SLC8A3: variants seen among roughly 807,000 people sequenced by gnomAD.
SLC8A3 encodes sodium/calcium exchanger 3.
A neutral mutation model predicts 65.4 loss-of-function variants in SLC8A3; 37 were observed. The ratio of observed to expected loss-of-function variants is 0.57; its 90% CI spans 0.44 to 0.74. The LOEUF (loss-of-function observed/expected upper bound fraction) is 0.74. SLC8A3 is among the 30% of genes least tolerant of loss of function. The probability of loss-of-function intolerance (pLI) is 0.00; values close to 1 mark genes in which losing one functional copy is unlikely to be tolerated. For synonymous variants in SLC8A3, 461 were observed against 444.5 expected, an observed-to-expected ratio of 1.04 and a Z score of -0.47; for missense variants, 1,112 against 1,172.1, an observed-to-expected ratio of 0.95 and a Z score of 0.75.
At chr14:70,172,581 C>A (rs1298651010) in intron 1 of SLC8A3, among the ~76,000 whole-genome samples, 2 of 152,044 alleles carry the variant, frequency 1.3e-5, no homozygotes, top group African/African-American at 4.8e-5. Context: ...CCTGCTGCAG[C>A]CTCCCATCCA....
chr14:70,159,678 G>C (rs559008090), intron 2 of SLC8A3, among the ~76,000 whole-genome samples: 2 of 152,310 alleles, frequency 1.3e-5, no homozygotes, highest in East Asian at 3.9e-4. Flanking sequence ...GAGGAAACTG[G>C]CCTTAAGACC....
At chr14:70,087,368 T>C (rs1164414169) in intron 2 of SLC8A3, among the ~76,000 whole-genome samples, 2 of 152,224 alleles carry the variant, frequency 1.3e-5, no homozygotes, top group African/African-American at 4.8e-5. Context: ...TCAAACTTCC[T>C]GGAACATTGG....
chr14:70,098,980 G>A (rs770712884), intron 2 of SLC8A3, among the ~76,000 whole-genome samples: 1 of 152,146 alleles, frequency 6.6e-6, no homozygotes, highest in Non-Finnish European at 1.5e-5. Flanking sequence ...GAGGTGTGAG[G>A]TTCCTGAAAG....
Position 70,046,626 on chromosome 14 carries a change from A to G in SLC8A3, c.2390-303T>C. On this transcript the variant is annotated intron_variant, in intron 6 of 6. Coordinates refer to ENST00000356921, the MANE Select transcript of SLC8A3 (RefSeq NM_182932.3). The surrounding 1 kb of genome is among the most constrained non-coding windows in gnomAD (Gnocchi z 4.2). ...GTTCTCCTTTGACTACTTTTTCAGT[A>G]AGGGAAGTTTGCCATCCCATAATAT... is the stretch of plus-strand genomic sequence containing the variant. The G allele has an allele frequency of 3.3e-6, 1 of 303,412 alleles. No homozygotes were observed. Among genetic ancestry groups the G allele is most frequent in the South Asian group, 1.1e-4 (1 of 8,908 alleles). 18.8% of individuals were successfully genotyped at this position (303,412 alleles called of 1,614,324 possible).
In SLC8A3 at chr14:70,073,055, A is replaced by ACCCTTCCCTT. The variant is rs58927473; in HGVS notation, c.1785-12126_1785-12117dup. Among the ~76,000 whole-genome samples, 359 of 151,356 alleles carry ACCCTTCCCTT rather than the reference A, an allele frequency of 2.4e-3. 1 individual carries two copies. The highest frequency in any genetic ancestry group is 0.01 in the Middle Eastern group (3 of 292). ...GCTCACCCTGAGAATTCTTCCTCTT[A>ACCCTTCCCTT]CCCTTCCCTTCCCTTCCCTTCCCTT... On this transcript the variant is annotated intron_variant, in intron 2 of 6. Coordinates refer to ENST00000356921, the MANE Select transcript of SLC8A3 (RefSeq NM_182932.3).
chr14:70,174,651 G>GTT lies in SLC8A3; in HGVS notation c.-62-6169_-62-6168dup, dbSNP rs1286502376. Among the ~76,000 whole-genome samples the GTT allele has an allele frequency of 9.8e-3, 883 of 90,294 alleles. 44 individuals are homozygous for GTT. Among genetic ancestry groups the GTT allele is most frequent in the South Asian group, 0.064 (146 of 2,290 alleles). The allele number at this position is 90,294 out of a possible 152,430, so 59.2% of individuals were successfully genotyped here. Reference sequence around the variant, plus strand: ...CCAAAAAGCCCCTTGGACCAAATCCGTTTTTTTTTTGTTTTTTTTTTTTTT... The same window carrying GTT: ...CCAAAAAGCCCCTTGGACCAAATCCGTTTTTTTTTTTTGTTTTTTTTTTTTTT... On this transcript the variant is annotated intron_variant, in intron 1 of 6. Coordinates refer to ENST00000356921, the MANE Select transcript of SLC8A3 (RefSeq NM_182932.3).
intron 2 of SLC8A3, among the ~76,000 whole-genome samples, chr14:70,080,467 C>T (rs953055272): frequency 1.3e-5 from 2 of 152,252 alleles, no homozygotes; most frequent in African/African-American, 4.8e-5. Context: ...ATAAAGAGGA[C>T]TGACTGTTGA....
chr14:70,119,377 T>C (rs1566791927), intron 2 of SLC8A3, among the ~76,000 whole-genome samples: 1 of 152,192 alleles, frequency 6.6e-6, no homozygotes, highest in East Asian at 1.9e-4. Flanking sequence ...TCCATTTATG[T>C]GGTGTGCTAA....
intron 2 of SLC8A3, among the ~76,000 whole-genome samples, chr14:70,137,680 G>T (rs76777524): frequency 0.033 from 5,046 of 151,988 alleles, 136 homozygotes; most frequent in South Asian, 0.13. Context: ...TGAGTTTTCA[G>T]CAGAAATTCC....
chr14:70,177,030 CT>C (rs1295441365), intron 1 of SLC8A3, among the ~76,000 whole-genome samples: 1 of 152,246 alleles, frequency 6.6e-6, no homozygotes, highest in East Asian at 1.9e-4. Context: ...CACAGGCTGA[CT>C]TTCACTGAAT....
At position 70,167,951 on chromosome 14, in the gene SLC8A3, G is replaced by A. The variant is rs756821448; in HGVS notation, c.472C>T (p.His158Tyr). The A allele has an allele frequency of 6.2e-7, 1 of 1,613,990 alleles. No individual in the cohort carries two copies. The highest frequency in any genetic ancestry group is 1.7e-5 in the Admixed American group (1 of 60,004). Residue 158 changes from histidine to tyrosine, a missense_variant, in exon 2 of 7, where the codon CAT becomes TAT. Coordinates refer to ENST00000356921, the MANE Select transcript of SLC8A3 (RefSeq NM_182932.3). ...ILLSLIEVCG[H>Y]GFIAGDLGPS... ...CCCAGATCACCAGCAATGAACCCAT[G>A]ACCACACACCTCAATTAAAGAGAGG...
At chr14:70,122,320 C>T (rs1013560390) in intron 2 of SLC8A3, among the ~76,000 whole-genome samples, 13 of 152,192 alleles carry the variant, frequency 8.5e-5, no homozygotes, top group African/African-American at 2.9e-4. Flanking sequence ...ACTCATTTCT[C>T]AGCCCACTCG....
intron 5 of SLC8A3, among the ~76,000 whole-genome samples, chr14:70,050,702 A>G: frequency 6.6e-6 from 1 of 152,248 alleles, no homozygotes; most frequent in East Asian, 1.9e-4. Flanking sequence ...TGGATTTTAT[A>G]CAAGACTCTG....
chr14:70,056,951 C>T (rs1888193511), intron 3 of SLC8A3, among the ~76,000 whole-genome samples: 1 of 152,176 alleles, frequency 6.6e-6, no homozygotes, highest in South Asian at 2.1e-4. Context: ...GCCCCTCACT[C>T]CTTGGCTCTC....
intron 3 of SLC8A3, among the ~76,000 whole-genome samples, chr14:70,057,327 T>C (rs1292995028): frequency 1.3e-5 from 2 of 151,936 alleles, no homozygotes; most frequent in African/African-American, 2.4e-5. Context: ...GATAGATAGA[T>C]AGATAGATAG....
intron 5 of SLC8A3, among the ~76,000 whole-genome samples, chr14:70,049,558 C>T (rs771209542): frequency 1.8e-4 from 27 of 151,912 alleles, no homozygotes; most frequent in Non-Finnish European, 3.2e-4. Flanking sequence ...TGCAGCAAAC[C>T]GCCATGGCAC....
At chr14:70,065,672 C>A (rs1423150647) in intron 2 of SLC8A3, among the ~76,000 whole-genome samples, 1 of 152,030 alleles carries the variant, frequency 6.6e-6, no homozygotes, top group Non-Finnish European at 1.5e-5. Flanking sequence ...GTTTGTGTTC[C>A]CTATTAAAAG....
chr14:70,125,702 G>T (rs2067418901), intron 2 of SLC8A3, among the ~76,000 whole-genome samples: 1 of 152,066 alleles, frequency 6.6e-6, no homozygotes, highest in Non-Finnish European at 1.5e-5. Flanking sequence ...CCAAAAGTGG[G>T]ATTGCTGGAT....
intron 2 of SLC8A3, among the ~76,000 whole-genome samples, chr14:70,067,840 G>T (rs190917907): frequency 6.6e-6 from 1 of 151,986 alleles, no homozygotes; most frequent in African/African-American, 2.4e-5. Flanking sequence ...ATTTTTTTGG[G>T]CCCCCCATTT....
Sources: gnomAD v4.1 joint callset for allele counts (sites outside exome capture counted in the v4.1 genomes callset) on GRCh38, gnomAD v4.1.1 for gene constraint, Gnocchi (gnomAD v3.1) non-coding constraint, MANE v1.5 for transcripts, NCBI Gene and HGNC (gene_info 2026-07-23, HGNC 2026-07-21) for gene names.